HYDIN: variants seen among roughly 807,000 people sequenced by gnomAD.
HYDIN encodes axonemal central pair apparatus protein HYDIN.
In HYDIN, 132 loss-of-function variants were observed where a neutral mutation model predicts 403.9. That is an observed-to-expected ratio of 0.33 (90% CI 0.28 to 0.38). HYDIN has a LOEUF of 0.38. Among genes scored for constraint, HYDIN ranks in the 10% least tolerant of loss-of-function variants. HYDIN has a pLI of 1.00. For synonymous variants in HYDIN, 1,202 were observed against 1,891.7 expected (o/e 0.64, Z 9.46); for missense variants, 2,827 against 5,009.5 (o/e 0.56, Z 13.15).
At chr16:71,043,613 T>G (rs957397069) in intron 18 of HYDIN, among the ~76,000 whole-genome samples, 1 of 151,986 alleles carries the variant, frequency 6.6e-6, no homozygotes, top group African/African-American at 2.4e-5. Flanking sequence ...ATTCTGCTCT[T>G]GTTCATGGAT....
chr16:70,919,176 A>G (rs986339028), intron 46 of HYDIN, among the ~76,000 whole-genome samples: 11 of 152,134 alleles, frequency 7.2e-5, no homozygotes, highest in Admixed American at 5.9e-4. Context: ...TAGAATGTCT[A>G]TGAGGAAAGG....
chr16:70,900,876 G>A (rs1294191333), intron 53 of HYDIN, 128 bp downstream of exon 53: 4 of 366,976 alleles, frequency 1.1e-5, no homozygotes, highest in East Asian at 4.1e-5. Flanking sequence ...TGGGGATATC[G>A]AAAGGGGATC....
intron 1 of HYDIN, among the ~76,000 whole-genome samples, chr16:71,227,129 A>G (rs890929687): frequency 1.3e-5 from 2 of 151,260 alleles, no homozygotes; most frequent in Admixed American, 1.3e-4. Flanking sequence ...TCATATATAT[A>G]TGTATATATA....
At chr16:70,856,075 T>C (rs1393777037) in intron 72 of HYDIN, among the ~76,000 whole-genome samples, 1 of 146,816 alleles carries the variant, frequency 6.8e-6, no homozygotes, top group East Asian at 1.9e-4. Flanking sequence ...GTTTTCTTCA[T>C]GTAGGTCTTT....
chr16:71,187,031 C>A, intron 1 of HYDIN, 113 bp from the exon 2 acceptor site: 1 of 620,488 alleles, frequency 1.6e-6, no homozygotes. Flanking sequence ...ACTGATCTTC[C>A]GAAATCCAAA....
At chr16:70,924,739 A>G (rs2143826465) in intron 45 of HYDIN, among the ~76,000 whole-genome samples, 1 of 61,098 alleles carries the variant, frequency 1.6e-5, no homozygotes, top group African/African-American at 6.6e-5. Flanking sequence ...TATAAGTGGG[A>G]GCTGAATGAT....
At chr16:71,138,632 ACTTT>A (rs2085032822) in intron 7 of HYDIN, among the ~76,000 whole-genome samples, 1 of 152,020 alleles carries the variant, frequency 6.6e-6, no homozygotes, top group African/African-American at 2.4e-5. Flanking sequence ...CAACTTTTAA[ACTTT>A]CTTTGAGTGA....
chr16:71,178,791 A>T lies in HYDIN; in HGVS notation c.381+137T>A, dbSNP rs2086788384. On this transcript the variant is annotated intron_variant, in intron 4 of 85. Coordinates refer to ENST00000393567, the MANE Select transcript of HYDIN (RefSeq NM_001270974.2). ...CCTTGTCGTCATTAAGTTTACAATC[A>T]AAGAAGATGTTTTCATACTATTTTC... is the stretch of plus-strand genomic sequence containing the variant. The T allele has an allele frequency of 4.0e-6, 3 of 757,776 alleles. No homozygotes were observed. The South Asian group carries it at 6.0e-5, about 15-fold the overall frequency. 46.9% of individuals were successfully genotyped at this position (757,776 alleles called of 1,614,324 possible).
chr16:70,976,723 C>T (rs554966146), intron 30 of HYDIN, among the ~76,000 whole-genome samples: 2 of 151,916 alleles, frequency 1.3e-5, no homozygotes, highest in East Asian at 3.9e-4. Context: ...CAAGGAGATT[C>T]CATTTTGTAT....
chr16:70,940,919 C>T (rs1037949999), intron 43 of HYDIN, among the ~76,000 whole-genome samples: 8 of 152,216 alleles, frequency 5.3e-5, no homozygotes, highest in African/African-American at 1.9e-4. Context: ...ACAGCGCCAC[C>T]AGCCTCTGTC....
rs2035211939 is a variant in HYDIN at position 70,808,055 on chromosome 16, C to T, written c.14891G>A (p.Cys4964Tyr). ...GAGTTTTTCTGCGTGGAAGTCTGTA[C>T]AGTCGGTCTGAAAGGGGAACAAACA... ...QRTEYYCRTD[C>Y]TDFHAEKLIN... The change falls in exon 86 of 86, where the codon TGT (cysteine) becomes TAT (tyrosine). Residue 4964 changes from cysteine to tyrosine, a missense_variant. Physicochemically the swap from Cys to Tyr is radical, Grantham distance 194. Transcript: ENST00000393567. The T allele has an allele frequency of 6.9e-6, 11 of 1,605,728 alleles. No homozygotes were observed. The highest frequency in any genetic ancestry group is 1.3e-5 in the African/African-American group (1 of 74,804).
At chr16:70,949,154 T>C (rs2143910310) in intron 41 of HYDIN, among the ~76,000 whole-genome samples, 1 of 152,050 alleles carries the variant, frequency 6.6e-6, no homozygotes, top group Non-Finnish European at 1.5e-5. Flanking sequence ...TCATGTCCTT[T>C]GTAGGGACAT....
chr16:70,857,881 A>G lies in HYDIN; in HGVS notation c.12130-11T>C, dbSNP rs1185192525. On this transcript the variant is annotated splice_polypyrimidine_tract_variant and intron_variant, in intron 71 of 85. Coordinates refer to ENST00000393567, the MANE Select transcript of HYDIN (RefSeq NM_001270974.2). ...GAACTGGAACACGATCTAACAAGAC[A>G]ATTTGGAACAGAGTGGTAAAAGACA... 6.2e-7 allele frequency: 1 copy of G among 1,612,944 alleles called. No homozygotes were observed. The highest frequency in any genetic ancestry group is 8.5e-7 in the Non-Finnish European group (1 of 1,179,562).
intron 7 of HYDIN, among the ~76,000 whole-genome samples, chr16:71,143,910 G>A (rs1324498529): frequency 6.6e-6 from 1 of 152,248 alleles, no homozygotes; most frequent in Non-Finnish European, 1.5e-5. Context: ...TTATGACTGT[G>A]TGTATATTTA....
intron 54 of HYDIN, among the ~76,000 whole-genome samples, chr16:70,894,933 A>C (rs1325874584): frequency 6.6e-6 from 1 of 152,162 alleles, no homozygotes; most frequent in Non-Finnish European, 1.5e-5. Context: ...ACTCCTCATA[A>C]GTGTGTTCTT....
chr16:71,175,291 A>C (rs768105394), intron 5 of HYDIN, among the ~76,000 whole-genome samples: 6 of 151,298 alleles, frequency 4.0e-5, no homozygotes, highest in Non-Finnish European at 7.4e-5. Context: ...CTACCCACCA[A>C]CACTACTAAT....
chr16:71,048,674 C>T (rs113728682), intron 18 of HYDIN, among the ~76,000 whole-genome samples: 13 of 151,846 alleles, frequency 8.6e-5, no homozygotes, highest in Admixed American at 6.6e-4. Flanking sequence ...ACATTGAGTA[C>T]GCATAGACAC....
chr16:70,835,230 T>C (rs2037342046), intron 78 of HYDIN, among the ~76,000 whole-genome samples: 1 of 151,790 alleles, frequency 6.6e-6, no homozygotes, highest in South Asian at 2.1e-4. Flanking sequence ...ACTCCTGGCC[T>C]TGTGATCCAC....
chr16:70,827,062 T>C (rs1374157103), intron 83 of HYDIN, among the ~76,000 whole-genome samples, 199 bp downstream of exon 83: 1 of 20,216 alleles, frequency 4.9e-5, no homozygotes, highest in Non-Finnish European at 9.4e-5. Context: ...TTACCAGCAA[T>C]CAGTATAGTA....
Sources: allele counts gnomAD v4.1 joint callset (sites outside exome capture counted in the v4.1 genomes callset), GRCh38; gene constraint gnomAD v4.1.1; transcripts MANE v1.5; gene names NCBI Gene and HGNC (gene_info 2026-07-23, HGNC 2026-07-21).